The following GRIK2 variants were observed in gnomAD, a reference collection of about 807,000 sequenced individuals.
The protein encoded by GRIK2 is glutamate ionotropic receptor kainate type subunit 2.
In GRIK2, 32 loss-of-function variants were observed where a neutral mutation model predicts 100.3. The ratio of observed to expected loss-of-function variants is 0.32; its 90% CI spans 0.24 to 0.43. The LOEUF is 0.43. GRIK2 is among the 20% of genes least tolerant of loss of function. The pLI, the probability that GRIK2 is intolerant of heterozygous loss-of-function variation, is 1.00. For synonymous variants in GRIK2, 417 were observed against 389.4 expected, an observed-to-expected ratio of 1.07 and a Z score of -0.83; for missense variants, 843 against 1,114.9, an observed-to-expected ratio of 0.76 and a Z score of 3.47.
chr6:101,985,049 T>C (rs1277522612), intron 14 of GRIK2, among the ~76,000 whole-genome samples: 1 of 151,662 alleles, frequency 6.6e-6, no homozygotes, highest in African/African-American at 2.4e-5. Context: ...AACTTATTGC[T>C]ATAAATTAGA....
intron 15 of GRIK2, among the ~76,000 whole-genome samples, chr6:102,040,206 T>G (rs1770492619): frequency 6.6e-6 from 1 of 151,538 alleles, no homozygotes; most frequent in Non-Finnish European, 1.5e-5. Context: ...CCCTTTAATA[T>G]GAAGATTAAA....
intron 14 of GRIK2, among the ~76,000 whole-genome samples, chr6:101,990,511 C>T (rs1794295774): frequency 6.6e-6 from 1 of 151,594 alleles, no homozygotes; most frequent in African/African-American, 2.4e-5. Flanking sequence ...TGTAACTGCA[C>T]ACTTTGAAGC....
At chr6:101,754,936 C>G (rs1777031686) in intron 7 of GRIK2, among the ~76,000 whole-genome samples, 2 of 152,148 alleles carry the variant, frequency 1.3e-5, no homozygotes, top group African/African-American at 4.8e-5. Context: ...CTATGAAGGG[C>G]CTCATAATCC....
chr6:101,610,938 C>T lies in GRIK2; in HGVS notation c.116-11011C>T, dbSNP rs187041887. 1.5e-3 allele frequency among the ~76,000 whole-genome samples: 223 copies of T among 151,830 alleles called. 1 individual carries two copies. The highest frequency in any genetic ancestry group is 5.1e-3 in the African/African-American group (212 of 41,480). On this transcript the variant is annotated intron_variant, in intron 2 of 16. Transcript: ENST00000369134. ...TTGATACTATTCAAGCGTCTGCCTTCCCAATCAGTATGCAGGCCCTCTTGG... is the reference window on the plus strand; with the variant it reads ...TTGATACTATTCAAGCGTCTGCCTTTCCAATCAGTATGCAGGCCCTCTTGG...
chr6:101,680,490 A>G (rs945690688), intron 5 of GRIK2, among the ~76,000 whole-genome samples: 21 of 152,166 alleles, frequency 1.4e-4, no homozygotes, highest in African/African-American at 5.1e-4. Context: ...TTCATGTCCT[A>G]GTTTCCTTAC....
intron 14 of GRIK2, among the ~76,000 whole-genome samples, chr6:101,937,668 T>A (rs528423078): frequency 1.3e-5 from 2 of 152,186 alleles, no homozygotes; most frequent in East Asian, 3.9e-4. Flanking sequence ...TTGGTATTTT[T>A]AAAACAAACA....
At chr6:101,457,419 T>C (rs1402078545) in intron 2 of GRIK2, among the ~76,000 whole-genome samples, 1 of 152,172 alleles carries the variant, frequency 6.6e-6, no homozygotes, top group Non-Finnish European at 1.5e-5. Context: ...TGCAAATTAA[T>C]AGTATGGCAC....
At chr6:101,552,689 C>T (rs72959103) in intron 2 of GRIK2, among the ~76,000 whole-genome samples, 14,314 of 152,122 alleles carry the variant, frequency 0.094, 763 homozygotes, top group Admixed American at 0.14. Flanking sequence ...TGATGCTCTG[C>T]CCAGACAGAT....
intron 14 of GRIK2, among the ~76,000 whole-genome samples, chr6:102,006,390 A>ATATATATATATTTTT (rs1315524835): frequency 3.1e-4 from 35 of 114,086 alleles, no homozygotes; most frequent in African/African-American, 9.6e-4. Flanking sequence ...ATATATATAT[A>ATATATATATATTTTT]TTTTTTTTTT....
intron 14 of GRIK2, among the ~76,000 whole-genome samples, chr6:102,034,612 T>C (rs1770166351): frequency 6.6e-6 from 1 of 151,392 alleles, no homozygotes; most frequent in Non-Finnish European, 1.5e-5. Flanking sequence ...GTAATAAAAT[T>C]CTAGTAAAGC....
At chr6:101,817,722 T>C (rs144182097) in intron 9 of GRIK2, among the ~76,000 whole-genome samples, 3 of 152,328 alleles carry the variant, frequency 2.0e-5, no homozygotes, top group Admixed American at 2.0e-4. Context: ...TCAGAAGATA[T>C]TAGTTAAATT....
At chr6:102,052,340 A>C (rs183613542) in intron 15 of GRIK2, among the ~76,000 whole-genome samples, 4 of 152,282 alleles carry the variant, frequency 2.6e-5, no homozygotes, top group Admixed American at 2.0e-4. Flanking sequence ...CTTGTTTAAA[A>C]CCTTAATAAG....
intron 11 of GRIK2, among the ~76,000 whole-genome samples, chr6:101,865,676 T>G (rs1196626504): frequency 6.6e-6 from 1 of 151,812 alleles, no homozygotes; most frequent in Admixed American, 6.6e-5. Context: ...CACCTGAGGT[T>G]AGGAGTTCAA....
chr6:102,005,544 C>T (rs1795169944), intron 14 of GRIK2, among the ~76,000 whole-genome samples: 1 of 151,892 alleles, frequency 6.6e-6, no homozygotes, highest in Non-Finnish European at 1.5e-5. Context: ...TATTGGCCTT[C>T]CTATATAAAT....
chr6:102,040,665 A>AAAAT (rs1770516221), intron 15 of GRIK2, among the ~76,000 whole-genome samples: 1 of 151,588 alleles, frequency 6.6e-6, no homozygotes, highest in African/African-American at 2.4e-5. Context: ...AATGTTTGTA[A>AAAAT]AAATAGAAAT....
intron 2 of GRIK2, among the ~76,000 whole-genome samples, chr6:101,587,386 G>C (rs899539232): frequency 1.3e-5 from 2 of 151,772 alleles, no homozygotes; most frequent in African/African-American, 4.9e-5. Context: ...CTATCTGTCT[G>C]TCCGTCTGTC....
intron 7 of GRIK2, among the ~76,000 whole-genome samples, chr6:101,792,224 T>C (rs1348754813): frequency 6.6e-6 from 1 of 151,864 alleles, no homozygotes; most frequent in African/African-American, 2.4e-5. Context: ...GTTAATATTG[T>C]TATGTGTGAA....
intron 7 of GRIK2, among the ~76,000 whole-genome samples, chr6:101,690,864 C>A (rs933769413): frequency 6.6e-6 from 1 of 152,026 alleles, no homozygotes; most frequent in Non-Finnish European, 1.5e-5. Context: ...TTTCTGTTAC[C>A]TTTTAGATTG....
intron 14 of GRIK2, among the ~76,000 whole-genome samples, chr6:101,950,477 T>C (rs1393260267): frequency 6.6e-6 from 1 of 152,114 alleles, no homozygotes; most frequent in Admixed American, 6.6e-5. Flanking sequence ...TTAACATGGC[T>C]CTTTGGGCCT....
Sources: gnomAD v4.1 joint callset for allele counts (sites outside exome capture counted in the v4.1 genomes callset) on GRCh38, gnomAD v4.1.1 for gene constraint, MANE v1.5 for transcripts, NCBI Gene and HGNC (gene_info 2026-07-23, HGNC 2026-07-21) for gene names.